IMMP2L: variants seen among roughly 807,000 people sequenced by gnomAD.
IMMP2L encodes inner mitochondrial membrane peptidase subunit 2.
IMMP2L carries 18 observed loss-of-function variants against 19.3 expected under a neutral mutation model. The observed-to-expected ratio is 0.93, with a 90% CI of 0.64 to 1.38. The LOEUF (loss-of-function observed/expected upper bound fraction) is 1.38, where lower values mean the gene tolerates loss of function less well. Ranked by LOEUF, IMMP2L falls within the 40% of genes most tolerant of loss-of-function variation. IMMP2L has a pLI of 0.00. For missense variants in IMMP2L, 233 were observed against 218.2 expected (o/e 1.07, Z -0.43); for synonymous variants, 76 against 73.0 (o/e 1.04, Z -0.21).
chr7:111,281,618 T>C (rs945425118), intron 3 of IMMP2L, among the ~76,000 whole-genome samples: 1 of 152,132 alleles, frequency 6.6e-6, no homozygotes, highest in Non-Finnish European at 1.5e-5. Flanking sequence ...ACCCAAAAAA[T>C]AACCAGTTAT....
Position 111,546,390 on chromosome 7 carries a change from TAG to T in IMMP2L, c.-3+15459_-3+15460del, listed in dbSNP as rs560234689. 1.8e-4 allele frequency among the ~76,000 whole-genome samples: 27 copies of T among 152,272 alleles called. No homozygotes were observed. The East Asian group carries it at 4.6e-3, about 26-fold the overall frequency. ...TAGGTTTTAAAAAAAGGCATCTCATTAGAGTTTTAATTTTGCATTTCTCTTAT... is the reference window on the plus strand; with the variant it reads ...TAGGTTTTAAAAAAAGGCATCTCATTAGTTTTAATTTTGCATTTCTCTTAT... On this transcript the variant is annotated intron_variant, in intron 1 of 5. Coordinates refer to ENST00000405709, the MANE Select transcript of IMMP2L (RefSeq NM_032549.4).
At chr7:110,735,652 A>AATAT (rs138161100) in intron 5 of IMMP2L, among the ~76,000 whole-genome samples, 6,740 of 126,072 alleles carry the variant, frequency 0.053, 584 homozygotes, top group African/African-American at 0.17. Context: ...ATATTAGACA[A>AATAT]ATATATATAT....
chr7:110,687,892 G>A (rs776868736), intron 5 of IMMP2L, among the ~76,000 whole-genome samples: 9 of 151,762 alleles, frequency 5.9e-5, no homozygotes, highest in South Asian at 2.1e-4. Flanking sequence ...GGGATGGGTC[G>A]GTGTGACTGC....
chr7:110,679,273 G>A (rs974103628), intron 5 of IMMP2L, among the ~76,000 whole-genome samples: 2 of 152,092 alleles, frequency 1.3e-5, no homozygotes, highest in South Asian at 4.1e-4. Context: ...AGTTGAAGTG[G>A]TCTAACTCCT....
intron 5 of IMMP2L, among the ~76,000 whole-genome samples, chr7:110,717,051 T>G (rs554313713): frequency 6.6e-6 from 1 of 152,140 alleles, no homozygotes; most frequent in Non-Finnish European, 1.5e-5. Context: ...ATTAGAGGAT[T>G]TGGGTAAGTC....
intron 3 of IMMP2L, among the ~76,000 whole-genome samples, chr7:111,377,789 G>A (rs556162183): frequency 1.3e-5 from 2 of 151,704 alleles, no homozygotes; most frequent in South Asian, 2.1e-4. Flanking sequence ...CTCTTCACCC[G>A]AAGTAATGCT....
intron 3 of IMMP2L, among the ~76,000 whole-genome samples, chr7:111,110,124 G>A (rs373978907): frequency 6.6e-6 from 1 of 152,146 alleles, no homozygotes; most frequent in South Asian, 2.1e-4. Context: ...AACACAGTGA[G>A]ACTCTGTCTC....
intron 3 of IMMP2L, among the ~76,000 whole-genome samples, chr7:111,023,059 T>A (rs541829839): frequency 6.6e-6 from 1 of 152,186 alleles, no homozygotes; most frequent in Non-Finnish European, 1.5e-5. Flanking sequence ...AGTAAAACTG[T>A]TGACAGCATT....
Position 110,874,114 on chromosome 7 carries a change from G to A in IMMP2L, c.408+12479C>T, listed in dbSNP as rs533779749. ...TGCATGATTTGTGATGTTTTTGGCTGGCTTTTAAACAGGATTGGAGTAATA... is the reference window on the plus strand; with the variant it reads ...TGCATGATTTGTGATGTTTTTGGCTAGCTTTTAAACAGGATTGGAGTAATA... On this transcript the variant is annotated intron_variant, in intron 5 of 5. Coordinates refer to ENST00000405709, the MANE Select transcript of IMMP2L (RefSeq NM_032549.4). Among the ~76,000 whole-genome samples the A allele has an allele frequency of 9.9e-5, 15 of 152,138 alleles. No individual in the cohort carries two copies. In the South Asian group the frequency reaches 3.1e-3, roughly 32 times the overall value.
chr7:111,006,880 A>G (rs899213991), intron 3 of IMMP2L, among the ~76,000 whole-genome samples: 3 of 152,162 alleles, frequency 2.0e-5, no homozygotes, highest in African/African-American at 7.2e-5. Context: ...CTGCTGAATC[A>G]TTCACATATA....
chr7:111,185,985 TTA>T (rs1207451421), intron 3 of IMMP2L, among the ~76,000 whole-genome samples: 1 of 152,160 alleles, frequency 6.6e-6, no homozygotes, highest in African/African-American at 2.4e-5. Context: ...CTATGATTGT[TTA>T]TAGGCCCAGT....
intron 5 of IMMP2L, among the ~76,000 whole-genome samples, chr7:110,816,041 C>CT (rs1802479389): frequency 1.3e-5 from 2 of 152,012 alleles, no homozygotes; most frequent in South Asian, 4.1e-4. Context: ...TTTTCCAGTT[C>CT]TTTTAACTGT....
chr7:110,821,220 C>T (rs1217969605), intron 5 of IMMP2L, among the ~76,000 whole-genome samples: 5 of 151,990 alleles, frequency 3.3e-5, no homozygotes, highest in Admixed American at 2.0e-4. Context: ...AAATAACTTG[C>T]CCAAAATCAA....
rs151041145 is a variant in IMMP2L, at chr7:111,320,258, A to T, written c.239+166980T>A. Among the ~76,000 whole-genome samples, 15 of 152,126 alleles carry T rather than the reference A, an allele frequency of 9.9e-5. No individual in the cohort carries two copies. In the East Asian group the frequency reaches 2.9e-3, roughly 29 times the overall value. On this transcript the variant is annotated intron_variant, in intron 3 of 5. Transcript: ENST00000405709. ...TGTGTTTCTCCATTCACCTCAGTCAATGGCTTCACCACCATCCATCCACCT... is the reference window on the plus strand; with the variant it reads ...TGTGTTTCTCCATTCACCTCAGTCATTGGCTTCACCACCATCCATCCACCT...
chr7:111,411,087 T>A (rs1363218763), intron 3 of IMMP2L, among the ~76,000 whole-genome samples: 1 of 134,928 alleles, frequency 7.4e-6, no homozygotes, highest in Non-Finnish European at 1.6e-5. Context: ...ATAATCAAAT[T>A]GCTAAAAAAA....
intron 5 of IMMP2L, among the ~76,000 whole-genome samples, chr7:110,680,984 G>A (rs779281840): frequency 1.3e-4 from 20 of 151,870 alleles, no homozygotes; most frequent in Non-Finnish European, 2.1e-4. Flanking sequence ...CCTAGTTTTC[G>A]TTGCAATTTT....
At chr7:110,894,112 C>T (rs930115787) in intron 4 of IMMP2L, among the ~76,000 whole-genome samples, 2 of 152,084 alleles carry the variant, frequency 1.3e-5, no homozygotes, top group Non-Finnish European at 2.9e-5. Flanking sequence ...CCGAAGACCC[C>T]GTACCTCCTC....
intron 3 of IMMP2L, among the ~76,000 whole-genome samples, chr7:111,398,483 T>TA (rs1833094221): frequency 2.0e-5 from 3 of 152,042 alleles, no homozygotes; most frequent in Admixed American, 2.0e-4. Flanking sequence ...CTCAATGTAA[T>TA]AAAAGCCATT....
chr7:111,532,599 G>C (rs1344685033), intron 1 of IMMP2L: 1 of 151,952 alleles, frequency 6.6e-6, no homozygotes. Flanking sequence ...GACCCCAAGG[G>C]ACAAAAATGG....
Sources: allele counts gnomAD v4.1 joint callset (sites outside exome capture counted in the v4.1 genomes callset), GRCh38; gene constraint gnomAD v4.1.1; transcripts MANE v1.5; gene names NCBI Gene and HGNC (gene_info 2026-07-23, HGNC 2026-07-21).